Variants in DLGAP2 observed in about 807,000 individuals in gnomAD.
The protein encoded by DLGAP2 is DLG associated protein 2.
In DLGAP2, 26 loss-of-function variants were observed where a neutral mutation model predicts 100.3. The ratio of observed to expected loss-of-function variants is 0.26; its 90% CI spans 0.19 to 0.36. DLGAP2 has a LOEUF of 0.36. Among genes scored for constraint, DLGAP2 ranks in the 10% least tolerant of loss-of-function variants. The probability of loss-of-function intolerance (pLI) is 1.00; values close to 1 mark genes in which losing one functional copy is unlikely to be tolerated. For synonymous variants in DLGAP2, 886 were observed against 630.1 expected, an observed-to-expected ratio of 1.41 and a Z score of -6.08; for missense variants, 1,858 against 1,453.2, an observed-to-expected ratio of 1.28 and a Z score of -4.53.
intron 1 of DLGAP2, among the ~76,000 whole-genome samples, chr8:823,173 C>T (rs2132689068): frequency 6.6e-6 from 1 of 152,222 alleles, no homozygotes; most frequent in South Asian, 2.1e-4. Flanking sequence ...TTTCTCTACC[C>T]ACTTGGTGGC....
intron 2 of DLGAP2, among the ~76,000 whole-genome samples, chr8:1,097,368 T>G (rs1332280337): frequency 1.9e-3 from 111 of 59,782 alleles, no homozygotes; most frequent in South Asian, 3.0e-3. Context: ...CTGTGCTCAG[T>G]AGAGTGGAGC....
At chr8:800,732 G>C (rs1427975407) in intron 1 of DLGAP2, among the ~76,000 whole-genome samples, 1 of 152,094 alleles carries the variant, frequency 6.6e-6, no homozygotes, top group Non-Finnish European at 1.5e-5. Flanking sequence ...GTGTTTGTGT[G>C]TATGTGTATG....
chr8:1,318,778 G>GCCCCCCCC (rs34614425), intron 3 of DLGAP2, among the ~76,000 whole-genome samples: 44 of 105,614 alleles, frequency 4.2e-4, no homozygotes, highest in Middle Eastern at 4.4e-3. Context: ...TCAGTGATCA[G>GCCCCCCCC]CCCCCCCCCC....
At chr8:1,587,486 T>C (rs905222786) in intron 6 of DLGAP2, among the ~76,000 whole-genome samples, 1 of 152,230 alleles carries the variant, frequency 6.6e-6, no homozygotes, top group Non-Finnish European at 1.5e-5. Context: ...TCATTCTTTA[T>C]CTGAAAGTAT....
At chr8:1,187,443 A>T (rs1234420188) in intron 2 of DLGAP2, among the ~76,000 whole-genome samples, 2 of 132,304 alleles carry the variant, frequency 1.5e-5, no homozygotes, top group Non-Finnish European at 3.1e-5. Flanking sequence ...TGCCTCACGG[A>T]ATCTCACACA....
At chr8:762,649 A>G (rs1236908098) in intron 1 of DLGAP2, among the ~76,000 whole-genome samples, 1 of 152,040 alleles carries the variant, frequency 6.6e-6, no homozygotes, top group Non-Finnish European at 1.5e-5. Context: ...CACTGAATAC[A>G]TTTAAAGGAA....
chr8:1,685,513 C>T (rs1238950534), intron 12 of DLGAP2, among the ~76,000 whole-genome samples: 1 of 152,128 alleles, frequency 6.6e-6, no homozygotes, highest in Non-Finnish European at 1.5e-5. Flanking sequence ...GAGAATCAAC[C>T]CACTGACCAG....
intron 1 of DLGAP2, 26 bp from the exon 2 acceptor site, chr8:907,886 T>G: frequency 2.5e-6 from 1 of 398,834 alleles, no homozygotes; most frequent in Non-Finnish European, 4.4e-6. Context: ...ATAACAAATG[T>G]ATTTTATTTA....
At chr8:896,712 G>C (rs1048110867) in intron 1 of DLGAP2, among the ~76,000 whole-genome samples, 2 of 152,094 alleles carry the variant, frequency 1.3e-5, no homozygotes, top group Non-Finnish European at 2.9e-5. Context: ...ATCTGAGCCC[G>C]GAAGTGGGTC....
intron 6 of DLGAP2, among the ~76,000 whole-genome samples, chr8:1,620,099 G>T (rs930612831): frequency 6.6e-6 from 1 of 152,148 alleles, no homozygotes; most frequent in Non-Finnish European, 1.5e-5. Flanking sequence ...CCTCTCTGCT[G>T]TTCCTGACAA....
chr8:1,408,519 G>A (rs758435717), intron 3 of DLGAP2, among the ~76,000 whole-genome samples: 1 of 152,228 alleles, frequency 6.6e-6, no homozygotes. Flanking sequence ...CTTGGATGAT[G>A]AGGGTGCTGC....
intron 2 of DLGAP2, among the ~76,000 whole-genome samples, chr8:951,320 A>T (rs1358595662): frequency 6.6e-6 from 1 of 151,432 alleles, no homozygotes; most frequent in Non-Finnish European, 1.5e-5. Flanking sequence ...ATCTCGGCTC[A>T]CTGCAAACTC....
chr8:984,071 G>T (rs1052391091), intron 2 of DLGAP2, among the ~76,000 whole-genome samples: 2 of 152,226 alleles, frequency 1.3e-5, no homozygotes, highest in Non-Finnish European at 2.9e-5. Flanking sequence ...GGTGTCTCAT[G>T]TGTAGCTTTT....
chr8:1,044,047 C>T (rs956377673), intron 2 of DLGAP2, among the ~76,000 whole-genome samples: 1 of 152,084 alleles, frequency 6.6e-6, no homozygotes, highest in Non-Finnish European at 1.5e-5. Flanking sequence ...CAGTGACTGC[C>T]CTGCCACGCC....
At chr8:1,236,299 A>AGTTCTCTCACATGGCGCCGTGTCTG (rs1563270952) in intron 2 of DLGAP2, among the ~76,000 whole-genome samples, 14 of 42,016 alleles carry the variant, frequency 3.3e-4, no homozygotes, top group African/African-American at 1.7e-3. Flanking sequence ...CGCCGTGTCT[A>AGTTCTCTCACATGGCGCCGTGTCTG]GTTCTCTCAC....
chr8:1,036,887 G>A (rs892056685), intron 2 of DLGAP2, among the ~76,000 whole-genome samples: 1 of 152,184 alleles, frequency 6.6e-6, no homozygotes, highest in Non-Finnish European at 1.5e-5. Context: ...TGAAACATAA[G>A]CTGCTTTTTT....
chr8:1,409,507 G>C (rs927401345), intron 3 of DLGAP2, among the ~76,000 whole-genome samples: 3 of 152,228 alleles, frequency 2.0e-5, no homozygotes, highest in African/African-American at 7.2e-5. Flanking sequence ...AAGAGAGCTG[G>C]GTGTGACGAA....
intron 2 of DLGAP2, among the ~76,000 whole-genome samples, chr8:1,129,401 CA>C (rs35118074): frequency 0.43 from 48,159 of 111,882 alleles, 7,896 homozygotes; most frequent in Admixed American, 0.54. Context: ...GACTCCATCT[CA>C]AAAAAAAAAA....
chr8:1,145,445 T>C (rs1286285169), intron 2 of DLGAP2, among the ~76,000 whole-genome samples: 1 of 152,152 alleles, frequency 6.6e-6, no homozygotes, highest in Non-Finnish European at 1.5e-5. Context: ...TGTACATGAC[T>C]CCACTGTGGT....
Sources: allele counts gnomAD v4.1 joint callset (sites outside exome capture counted in the v4.1 genomes callset), GRCh38; gene constraint gnomAD v4.1.1; transcripts MANE v1.5; gene names NCBI Gene and HGNC (gene_info 2026-07-23, HGNC 2026-07-21).